The following CASQ2 variants were observed in gnomAD, a reference collection of about 807,000 sequenced individuals.
CASQ2 encodes the protein calsequestrin 2, also known as calsequestrin-2.
Under a neutral mutation model 46.5 loss-of-function variants are expected in CASQ2, and 49 were observed. The observed-to-expected ratio is 1.05, with a 90% confidence interval of 0.84 to 1.34. CASQ2 has a LOEUF of 1.34. Ranked by LOEUF, CASQ2 falls within the 40% of genes most tolerant of loss-of-function variation. The pLI, the probability that CASQ2 is intolerant of heterozygous loss-of-function variation, is 0.00. For synonymous variants in CASQ2, 174 were observed against 168.5 expected (o/e 1.03, Z -0.25); for missense variants, 486 against 481.3 (o/e 1.01, Z -0.09).
intron 1 of CASQ2, among the ~76,000 whole-genome samples, chr1:115,745,321 A>G (rs1373450654): frequency 6.6e-6 from 1 of 152,160 alleles, no homozygotes; most frequent in Non-Finnish European, 1.5e-5. Flanking sequence ...AGAGGACCTA[A>G]GAATAAAGGA....
chr1:115,726,939 C>G, intron 6 of CASQ2, 53 bp downstream of exon 6: 1 of 1,397,462 alleles, frequency 7.2e-7, no homozygotes, highest in South Asian at 1.2e-5. Context: ...AGAGAGGCTC[C>G]TCTCCATTCC....
intron 2 of CASQ2, among the ~76,000 whole-genome samples, chr1:115,742,185 T>A (rs1038954500): frequency 6.6e-6 from 1 of 151,632 alleles, no homozygotes; most frequent in Non-Finnish European, 1.5e-5. Flanking sequence ...TAATTTTTCA[T>A]ATATAAGTAT....
intron 4 of CASQ2, among the ~76,000 whole-genome samples, chr1:115,737,526 G>A (rs1648005301): frequency 6.6e-6 from 1 of 152,070 alleles, no homozygotes; most frequent in Non-Finnish European, 1.5e-5. Context: ...ACCTCACGGG[G>A]GCCATGCTGC....
chr1:115,726,684 T>C (rs937769318), intron 6 of CASQ2, among the ~76,000 whole-genome samples: 2 of 152,240 alleles, frequency 1.3e-5, no homozygotes, highest in African/African-American at 4.8e-5. Flanking sequence ...TGGTTATTGG[T>C]ATATGGGAAC....
At chr1:115,735,932 C>T (rs552326613) in intron 4 of CASQ2, among the ~76,000 whole-genome samples, 3 of 152,018 alleles carry the variant, frequency 2.0e-5, no homozygotes, top group Non-Finnish European at 2.9e-5. Context: ...GAGGCCGAGG[C>T]GGGTGGATCA....
intron 1 of CASQ2, among the ~76,000 whole-genome samples, chr1:115,763,440 C>T (rs1449262303): frequency 6.6e-6 from 1 of 151,960 alleles, no homozygotes; most frequent in East Asian, 1.9e-4. Flanking sequence ...AGTGAATAAG[C>T]AATAAGAGGA....
At chr1:115,749,710 T>G (rs1269827861) in intron 1 of CASQ2, among the ~76,000 whole-genome samples, 1 of 152,236 alleles carries the variant, frequency 6.6e-6, no homozygotes, top group African/African-American at 2.4e-5. Flanking sequence ...GCCAGGAGCC[T>G]CTGCTGGGCC....
chr1:115,730,659 G>A (rs1380732514), intron 5 of CASQ2, among the ~76,000 whole-genome samples: 1 of 152,104 alleles, frequency 6.6e-6, no homozygotes, highest in Non-Finnish European at 1.5e-5. Flanking sequence ...AATTTTTGCT[G>A]TCTTAACGCC....
Position 115,738,253 on chromosome 1 carries a change from A to G in CASQ2, c.503T>C (p.Ile168Thr), listed in dbSNP as rs148057999. ...FERIEDYIKL[I>T]GFFKSEDSEY... ...TGAGTCCTCACTCTTGAAAAAGCCA[A>G]TGAGTTTGATGTAGTCTTCAATGCG... Residue 168 changes from isoleucine (I) to threonine (T), a missense_variant, in exon 4 of 11, where the codon ATT becomes ACT. Ile to Thr is a moderately conservative substitution (Grantham distance 89). Transcript: ENST00000261448. The G allele has an allele frequency of 1.6e-5, 25 of 1,612,464 alleles. No homozygotes were observed. In the Admixed American group the frequency reaches 2.5e-4, roughly 16 times the overall value.
At chr1:115,736,720 A>G (rs192074462) in intron 4 of CASQ2, among the ~76,000 whole-genome samples, 143 of 152,264 alleles carry the variant, frequency 9.4e-4, no homozygotes, top group African/African-American at 3.4e-3. Context: ...ACAATGCAAT[A>G]TGTAATATAT....
chr1:115,750,354 G>T (rs1648535502), intron 1 of CASQ2, among the ~76,000 whole-genome samples: 1 of 152,226 alleles, frequency 6.6e-6, no homozygotes, highest in Non-Finnish European at 1.5e-5. Context: ...CCATCCTAGT[G>T]AATGGGGTTG....
intron 8 of CASQ2, among the ~76,000 whole-genome samples, chr1:115,715,400 G>A (rs1654669013): frequency 6.6e-6 from 1 of 152,190 alleles, no homozygotes; most frequent in Non-Finnish European, 1.5e-5. Flanking sequence ...GGAATGATAT[G>A]TGCAATGTCA....
Position 115,712,520 on chromosome 1 carries a change from T to C in CASQ2, c.838+5320A>G, listed in dbSNP as rs1654579534. ...TATTTAACTTCTTCGTCCCTGTACTTTATCATCTGTACACCGGGGAAGATG... is the reference window on the plus strand; with the variant it reads ...TATTTAACTTCTTCGTCCCTGTACTCTATCATCTGTACACCGGGGAAGATG... On this transcript the variant is annotated intron_variant, in intron 8 of 10. Coordinates refer to ENST00000261448, the MANE Select transcript of CASQ2 (RefSeq NM_001232.4). Among the ~76,000 whole-genome samples, 3 of 152,162 alleles carry C rather than the reference T, an allele frequency of 2.0e-5. No individual in the cohort carries two copies. The South Asian group carries it at 6.2e-4, about 32-fold the overall frequency.
At chr1:115,705,042 C>T (rs1654315815) in intron 9 of CASQ2, 150 bp downstream of exon 9, 4 of 695,138 alleles carry the variant, frequency 5.8e-6, no homozygotes, top group South Asian at 1.6e-5. Context: ...AAGTTCAATA[C>T]TGCCCCAAGG....
At chr1:115,721,909 A>G (rs577607240) in intron 7 of CASQ2, among the ~76,000 whole-genome samples, 2 of 152,256 alleles carry the variant, frequency 1.3e-5, no homozygotes, top group East Asian at 3.9e-4. Context: ...CACTTTCCAC[A>G]ACCACATCTG....
In CASQ2 at chr1:115,725,463, C is replaced by T. The variant is rs369499991; in HGVS notation, c.783+45G>A. The T allele has an allele frequency of 3.9e-5, 63 of 1,595,930 alleles. No homozygotes were observed. In the African/African-American group the frequency reaches 8.3e-4, roughly 21 times the overall value. ...ATCTAAGAAGCACTCCTCTTTGGGA[C>T]TATACTCATCTCTACAAGGCAAAGA... On this transcript the variant is annotated intron_variant, in intron 7 of 10. Coordinates refer to ENST00000261448, the MANE Select transcript of CASQ2 (RefSeq NM_001232.4).
At chr1:115,716,691 C>T (rs1453802064) in intron 8 of CASQ2, among the ~76,000 whole-genome samples, 1 of 152,160 alleles carries the variant, frequency 6.6e-6, no homozygotes, top group African/African-American at 2.4e-5. Context: ...ATAAAATCAA[C>T]TGGAGAAAAA....
chr1:115,701,138 G>C lies in CASQ2; in HGVS notation c.*103C>G. 6.4e-7 allele frequency: 1 copy of C among 1,570,288 alleles called. No homozygotes were observed. The stretch of plus-strand genomic sequence containing the variant: ...AAAAGAGATGATGGAAAAGGGAAAG[G>C]AGCTGGCTGGGTGTGGGGCAGAATT... On this transcript the variant is annotated 3_prime_UTR_variant, in exon 11 of 11. Transcript: ENST00000261448.
At chr1:115,705,947 T>G (rs2101056757) in intron 8 of CASQ2, among the ~76,000 whole-genome samples, 1 of 152,162 alleles carries the variant, frequency 6.6e-6, no homozygotes, top group Non-Finnish European at 1.5e-5. Context: ...GAACACAAAC[T>G]TGTTAGCTTT....
Sources: gnomAD v4.1 joint callset for allele counts (sites outside exome capture counted in the v4.1 genomes callset) on GRCh38, gnomAD v4.1.1 for gene constraint, MANE v1.5 for transcripts, NCBI Gene and HGNC (gene_info 2026-07-23, HGNC 2026-07-21) for gene names.